The following BCAT1 variants were observed in gnomAD, a reference collection of about 807,000 sequenced individuals.
The protein encoded by BCAT1 is branched-chain-amino-acid aminotransferase, cytosolic.
In BCAT1, 48 loss-of-function variants were observed where a neutral mutation model predicts 52.4. That is an observed-to-expected ratio of 0.92 (90% CI 0.73 to 1.16). The LOEUF (loss-of-function observed/expected upper bound fraction) is 1.16. Ranked by LOEUF, BCAT1 falls within the 50% of genes most tolerant of loss-of-function variation. The probability of loss-of-function intolerance (pLI) is 0.00; values close to 1 mark genes in which losing one functional copy is unlikely to be tolerated. For synonymous variants in BCAT1, 167 were observed against 161.3 expected (o/e 1.04, Z -0.27); for missense variants, 451 against 457.1 (o/e 0.99, Z 0.12).
intron 6 of BCAT1, among the ~76,000 whole-genome samples, chr12:24,847,797 G>A (rs995544480): frequency 2.6e-5 from 4 of 152,204 alleles, no homozygotes; most frequent in Non-Finnish European, 4.4e-5. Flanking sequence ...ATAGAAAGCA[G>A]AAAGTTCTTG....
At chr12:24,912,513 C>A (rs1409196441) in intron 1 of BCAT1, among the ~76,000 whole-genome samples, 1 of 151,972 alleles carries the variant, frequency 6.6e-6, no homozygotes, top group African/African-American at 2.4e-5. Flanking sequence ...GAGTGAGACT[C>A]CATCTCAGAG....
intron 1 of BCAT1, among the ~76,000 whole-genome samples, chr12:24,916,646 T>G (rs1943413630): frequency 6.6e-6 from 1 of 152,230 alleles, no homozygotes; most frequent in Non-Finnish European, 1.5e-5. Context: ...GTTCAAGCTA[T>G]TCTCCTGCCT....
chr12:24,886,931 C>T (rs1942677939), intron 3 of BCAT1, among the ~76,000 whole-genome samples: 1 of 149,384 alleles, frequency 6.7e-6, no homozygotes, highest in Admixed American at 6.7e-5. Flanking sequence ...GGCATAGTGG[C>T]ACGTGCCTGT....
intron 1 of BCAT1, among the ~76,000 whole-genome samples, chr12:24,925,738 C>T (rs538761172): frequency 1.3e-4 from 20 of 152,258 alleles, no homozygotes; most frequent in South Asian, 8.3e-4. Context: ...TGCAGGCGCG[C>T]GCCACCATGC....
chr12:24,837,585 C>A (rs758288445), intron 7 of BCAT1, among the ~76,000 whole-genome samples: 1 of 151,892 alleles, frequency 6.6e-6, no homozygotes, highest in Non-Finnish European at 1.5e-5. Context: ...CGCCACCACG[C>A]CTGGCTAATT....
At chr12:24,834,506 A>T in intron 8 of BCAT1, 1 of 976,206 alleles carries the variant, frequency 1.0e-6, no homozygotes, top group Non-Finnish European at 1.2e-6. Flanking sequence ...TATTTGAATA[A>T]AGGGCAATAA....
intron 1 of BCAT1, among the ~76,000 whole-genome samples, chr12:24,929,277 CA>C (rs1463550738): frequency 6.6e-6 from 1 of 152,192 alleles, no homozygotes. Context: ...TTAAACTTTG[CA>C]CTTGAATAAA....
intron 6 of BCAT1, among the ~76,000 whole-genome samples, chr12:24,842,599 A>G (rs902690625): frequency 6.6e-6 from 1 of 152,190 alleles, no homozygotes; most frequent in Non-Finnish European, 1.5e-5. Flanking sequence ...TATGAGATAG[A>G]CACTATCATT....
At position 24,813,154 on chromosome 12, in the gene BCAT1, A is replaced by G. The variant is rs1939745876; in HGVS notation, c.*4854T>C. 1 of 151,984 alleles carries G rather than the reference A, an allele frequency of 6.6e-6. No individual in the cohort carries two copies. The highest frequency in any genetic ancestry group is 2.1e-4 in the South Asian group (1 of 4,830). The allele number at this position is 151,984 out of a possible 1,614,324, so 9.4% of individuals were successfully genotyped here. On this transcript the variant is annotated 3_prime_UTR_variant, in exon 11 of 11. Transcript: ENST00000261192. The stretch of plus-strand genomic sequence containing the variant: ...TATGTCTGACCCCAGGAAATTATTT[A>G]CCCACAAACACTACTATAACTACTA...
At chr12:24,877,575 C>T (rs1942382207) in intron 5 of BCAT1, among the ~76,000 whole-genome samples, 1 of 152,178 alleles carries the variant, frequency 6.6e-6, no homozygotes, top group African/African-American at 2.4e-5. Flanking sequence ...CCTTAACTCC[C>T]ACTGTGAACT....
chr12:24,870,958 G>T (rs1591825403), intron 5 of BCAT1, among the ~76,000 whole-genome samples: 1 of 152,242 alleles, frequency 6.6e-6, no homozygotes, highest in African/African-American at 2.4e-5. Flanking sequence ...GGGAGGTGGA[G>T]GTTGCAGTGA....
intron 1 of BCAT1, among the ~76,000 whole-genome samples, chr12:24,926,871 C>T (rs183879156): frequency 9.2e-5 from 14 of 152,068 alleles, no homozygotes; most frequent in African/African-American, 1.2e-4. Flanking sequence ...TTTGTTCACT[C>T]GTTTATCTGC....
At chr12:24,927,447 G>A (rs150341777) in intron 1 of BCAT1, among the ~76,000 whole-genome samples, 1 of 152,336 alleles carries the variant, frequency 6.6e-6, no homozygotes, top group African/African-American at 2.4e-5. Flanking sequence ...AAATCTACCA[G>A]TGACTCCAAT....
intron 10 of BCAT1, among the ~76,000 whole-genome samples, chr12:24,821,326 C>T (rs1940115223): frequency 6.6e-6 from 1 of 152,164 alleles, no homozygotes; most frequent in South Asian, 2.1e-4. Flanking sequence ...TGCCCCTTTC[C>T]TATGCTTCAG....
chr12:24,883,075 T>C (rs1046489528), intron 3 of BCAT1, among the ~76,000 whole-genome samples: 72 of 151,534 alleles, frequency 4.8e-4, no homozygotes, highest in Non-Finnish European at 1.3e-4. Flanking sequence ...TCACTTGAGG[T>C]CAGGAGTTCG....
rs143190634 is a variant in BCAT1, at chr12:24,886,160, G to A, written c.280-4749C>T. The stretch of plus-strand genomic sequence containing the variant: ...GAGCTGGGAACCGTGGCTCACGCCT[G>A]TAATTCCAGCACTTTGAGAAGCTGA... On this transcript the variant is annotated intron_variant, in intron 3 of 10. Transcript: ENST00000261192. Among the ~76,000 whole-genome samples, 171 of 152,362 alleles carry A rather than the reference G, an allele frequency of 1.1e-3. 1 individual carries two copies. The highest frequency in any genetic ancestry group is 3.8e-3 in the African/African-American group (158 of 41,586).
intron 3 of BCAT1, among the ~76,000 whole-genome samples, chr12:24,891,754 GT>G (rs768039557): frequency 3.4e-4 from 49 of 142,146 alleles, no homozygotes; most frequent in East Asian, 2.0e-3. Context: ...AGAGGTTTTT[GT>G]TTTTTTTTTT....
chr12:24,846,371 T>C (rs1441409854), intron 6 of BCAT1, among the ~76,000 whole-genome samples: 1 of 152,178 alleles, frequency 6.6e-6, no homozygotes, highest in African/African-American at 2.4e-5. Context: ...ACCATGGTAA[T>C]ATAGTTGGGT....
At chr12:24,834,914 G>C (rs1940852725) in intron 8 of BCAT1, 1 of 421,140 alleles carries the variant, frequency 2.4e-6, no homozygotes, top group Non-Finnish European at 3.2e-6. Context: ...GCAAATAGTG[G>C]TGACCCCCTA....
Sources: gnomAD v4.1 joint callset for allele counts (sites outside exome capture counted in the v4.1 genomes callset) on GRCh38, gnomAD v4.1.1 for gene constraint, MANE v1.5 for transcripts, NCBI Gene and HGNC (gene_info 2026-07-23, HGNC 2026-07-21) for gene names.